Variants in SNTB1 observed in about 807,000 individuals in gnomAD.
The protein encoded by SNTB1 is beta-1-syntrophin.
In SNTB1, 36 loss-of-function variants were observed where a neutral mutation model predicts 48.9. The ratio of observed to expected loss-of-function variants is 0.74; its 90% CI spans 0.56 to 0.97. SNTB1 has a LOEUF of 0.97. Ranked by LOEUF, SNTB1 falls within the 50% of genes least tolerant of loss-of-function variation. The pLI is 0.00. For missense variants in SNTB1, 786 were observed against 703.4 expected (o/e 1.12, Z -1.33); for synonymous variants, 299 against 294.6 (o/e 1.01, Z -0.15).
chr8:120,584,461 A>AAAT (rs1703673484), intron 3 of SNTB1, among the ~76,000 whole-genome samples: 1 of 100,296 alleles, frequency 1.0e-5, no homozygotes, highest in African/African-American at 3.8e-5. Context: ...AAAAAAAAAA[A>AAAT]GTGTAGTAAT....
intron 1 of SNTB1, among the ~76,000 whole-genome samples, chr8:120,770,999 A>G (rs1819617340): frequency 6.6e-6 from 1 of 152,132 alleles, no homozygotes; most frequent in South Asian, 2.1e-4. Context: ...GTCGCTTTGG[A>G]TCATCTATTT....
At chr8:120,807,299 CT>C (rs749577592) in intron 1 of SNTB1, among the ~76,000 whole-genome samples, 7 of 152,222 alleles carry the variant, frequency 4.6e-5, no homozygotes, top group African/African-American at 1.2e-4. Context: ...TCTGTCCCCC[CT>C]GACCTGGAGC....
chr8:120,747,576 C>A (rs1819149570), intron 1 of SNTB1, among the ~76,000 whole-genome samples: 1 of 152,146 alleles, frequency 6.6e-6, no homozygotes, highest in South Asian at 2.1e-4. Context: ...CAGGCATGAG[C>A]CATCACACCA....
At chr8:120,730,183 G>C (rs555330838) in intron 1 of SNTB1, among the ~76,000 whole-genome samples, 1 of 152,116 alleles carries the variant, frequency 6.6e-6, no homozygotes, top group East Asian at 1.9e-4. Context: ...TTTTGAGACA[G>C]AGTCTTGCTC....
chr8:120,712,106 C>T (rs1818473295), intron 1 of SNTB1, among the ~76,000 whole-genome samples: 1 of 152,076 alleles, frequency 6.6e-6, no homozygotes, highest in Non-Finnish European at 1.5e-5. Flanking sequence ...AATAAATTTT[C>T]TTTCAGAACT....
chr8:120,582,042 C>A lies in SNTB1; in HGVS notation c.997-6817G>T, dbSNP rs532528502. On this transcript the variant is annotated intron_variant, in intron 3 of 6. Coordinates refer to ENST00000517992, the MANE Select transcript of SNTB1 (RefSeq NM_021021.4). ...AAGAGTGAAACTCCATCTCAAAAAACAAAAATAAAAAACAAACAAAACAAA... is the reference window on the plus strand; with the variant it reads ...AAGAGTGAAACTCCATCTCAAAAAAAAAAAATAAAAAACAAACAAAACAAA... Among the ~76,000 whole-genome samples the A allele has an allele frequency of 5.1e-4, 78 of 152,056 alleles. 1 individual carries two copies. The South Asian group carries it at 0.016, about 30-fold the overall frequency.
At chr8:120,768,998 G>A (rs577564733) in intron 1 of SNTB1, 2 of 152,280 alleles carry the variant, frequency 1.3e-5, no homozygotes, top group African/African-American at 4.8e-5. Flanking sequence ...TTAAAAGAAC[G>A]ACAGACTCCC....
intron 1 of SNTB1, among the ~76,000 whole-genome samples, chr8:120,754,624 T>G (rs889293454): frequency 6.6e-6 from 1 of 152,166 alleles, no homozygotes; most frequent in Admixed American, 6.5e-5. Flanking sequence ...AATGACATCA[T>G]GCATGTGAAG....
At chr8:120,717,047 T>G (rs1259301566) in intron 1 of SNTB1, among the ~76,000 whole-genome samples, 2 of 152,218 alleles carry the variant, frequency 1.3e-5, no homozygotes, top group East Asian at 3.8e-4. Flanking sequence ...GAATCTCTCC[T>G]TGGCTCATCA....
chr8:120,786,256 AC>A (rs1341798067), intron 1 of SNTB1, among the ~76,000 whole-genome samples: 2 of 152,166 alleles, frequency 1.3e-5, no homozygotes, highest in Non-Finnish European at 2.9e-5. Context: ...GGCATGCACC[AC>A]ATTAAGGGAG....
At chr8:120,681,080 A>G (rs10102342) in intron 2 of SNTB1, among the ~76,000 whole-genome samples, 7,948 of 152,282 alleles carry the variant, frequency 0.052, 651 homozygotes, top group African/African-American at 0.17. Context: ...TTAAAAATGT[A>G]TGATAATTAG....
chr8:120,719,312 C>A lies in SNTB1; in HGVS notation c.572-25404G>T, dbSNP rs372538458. On this transcript the variant is annotated intron_variant, in intron 1 of 6. Transcript: ENST00000517992. ...ACTGGCTTAGCCTCCCAGCTTACAT[C>A]TATCTCCAGTGCTGGATGCTTCCTG... 1.4e-4 allele frequency among the ~76,000 whole-genome samples: 22 copies of A among 152,322 alleles called. No homozygotes were observed. In the East Asian group the frequency reaches 3.9e-3, roughly 27 times the overall value.
In SNTB1 at chr8:120,632,488, C is replaced by A. The variant is rs990920258; in HGVS notation, c.952G>T (p.Ala318Ser). 1.9e-6 allele frequency: 3 copies of A among 1,614,038 alleles called. No individual in the cohort carries two copies. The highest frequency in any genetic ancestry group is 2.5e-6 in the Non-Finnish European group (3 of 1,180,048). ...VREQLGKTGI[A>S]GSREIRHLGW... The stretch of plus-strand genomic sequence containing the variant: ...AGATGCCTAATCTCTCGGCTCCCAG[C>A]AATGCCTGTTTTCCCCAGCTGCTCT... The change falls in exon 3 of 7, where the codon GCT (alanine) becomes TCT (serine). Residue 318 changes from alanine (A) to serine (S), a missense_variant. Physicochemically the swap from Ala to Ser is moderately conservative, Grantham distance 99. Transcript: ENST00000517992.
intron 3 of SNTB1, among the ~76,000 whole-genome samples, chr8:120,597,947 C>T (rs1816351999): frequency 6.6e-6 from 1 of 152,168 alleles, no homozygotes; most frequent in Admixed American, 6.5e-5. Context: ...ACAGAACATA[C>T]ATTGTATGTG....
chr8:120,634,636 A>C (rs2130756504), intron 2 of SNTB1, among the ~76,000 whole-genome samples: 1 of 152,296 alleles, frequency 6.6e-6, no homozygotes, highest in Non-Finnish European at 1.5e-5. Flanking sequence ...ATCAACAACT[A>C]TGCCCAGTAA....
intron 3 of SNTB1, among the ~76,000 whole-genome samples, chr8:120,591,409 G>T (rs1400199368): frequency 1.3e-5 from 2 of 151,952 alleles, no homozygotes; most frequent in Non-Finnish European, 2.9e-5. Flanking sequence ...AAGATCTAAG[G>T]GTCAAAGGTG....
chr8:120,757,906 G>A (rs565933115), intron 1 of SNTB1, among the ~76,000 whole-genome samples: 1 of 111,902 alleles, frequency 8.9e-6, no homozygotes, highest in South Asian at 2.9e-4. Flanking sequence ...TCGCTAAGTG[G>A]GAAAGACACT....
At chr8:120,794,479 TTA>T (rs747599760) in intron 1 of SNTB1, among the ~76,000 whole-genome samples, 5 of 147,444 alleles carry the variant, frequency 3.4e-5, no homozygotes, top group Non-Finnish European at 5.9e-5. Context: ...ATGTACTATT[TTA>T]TATATATATA....
chr8:120,775,746 G>T (rs138955492), intron 1 of SNTB1, among the ~76,000 whole-genome samples: 1 of 140,208 alleles, frequency 7.1e-6, no homozygotes, highest in East Asian at 1.9e-4. Flanking sequence ...AAGGAAGGAA[G>T]GAAGGAAGGA....
Sources: gnomAD v4.1 joint callset for allele counts (sites outside exome capture counted in the v4.1 genomes callset) on GRCh38, gnomAD v4.1.1 for gene constraint, MANE v1.5 for transcripts, NCBI Gene and HGNC (gene_info 2026-07-23, HGNC 2026-07-21) for gene names.